Variants in EPHB1 observed in about 807,000 individuals in gnomAD.
EPHB1 encodes the protein ephrin type-B receptor 1.
Under a neutral mutation model 94.4 loss-of-function variants are expected in EPHB1, and 30 were observed. The ratio of observed to expected loss-of-function variants is 0.32; its 90% confidence interval spans 0.24 to 0.43. The LOEUF (loss-of-function observed/expected upper bound fraction) is 0.43. Ranked by LOEUF, EPHB1 falls within the 20% of genes least tolerant of loss-of-function variation. EPHB1 has a pLI of 1.00. For synonymous variants in EPHB1, 522 were observed against 489.1 expected (o/e 1.07, Z -0.89); for missense variants, 1,055 against 1,308.3 (o/e 0.81, Z 2.99).
chr3:134,848,461 T>G (rs2108298700), intron 1 of EPHB1, among the ~76,000 whole-genome samples: 1 of 152,332 alleles, frequency 6.6e-6, no homozygotes, highest in South Asian at 2.1e-4. Flanking sequence ...GATAATAAAA[T>G]GGAAATTTTA....
intron 3 of EPHB1, among the ~76,000 whole-genome samples, chr3:134,981,568 AG>A (rs1304209220): frequency 6.6e-6 from 1 of 152,236 alleles, no homozygotes; most frequent in African/African-American, 2.4e-5. Context: ...GAACACAGCT[AG>A]AAAAAAATGG....
Position 135,162,126 on chromosome 3 carries a change from G to T in EPHB1, c.1531G>T (p.Val511Phe), listed in dbSNP as rs2107698281. 1.2e-6 allele frequency: 2 copies of T among 1,612,202 alleles called. No individual in the cohort carries two copies. The highest frequency in any genetic ancestry group is 1.7e-6 in the Non-Finnish European group (2 of 1,178,908). The change falls in exon 7 of 16, where the codon GTT becomes TTT. Residue 511 changes from valine to phenylalanine, a missense_variant. Transcript: ENST00000398015. ...VYVVQVRART[V>F]AGYGKFSGKM... Reference sequence around the variant, plus strand: ...TGTGGTACAGGTGCGTGCCCGCACTGTTGCTGGCTACGGCAAGTTCAGTGG... The same window carrying T: ...TGTGGTACAGGTGCGTGCCCGCACTTTTGCTGGCTACGGCAAGTTCAGTGG...
At chr3:135,238,183 A>G (rs1226132454) in intron 12 of EPHB1, among the ~76,000 whole-genome samples, 1 of 152,204 alleles carries the variant, frequency 6.6e-6, no homozygotes, top group East Asian at 1.9e-4. Context: ...TTCCTAGGAA[A>G]CAAAGTGCCC....
At chr3:135,089,580 T>C (rs936821446) in intron 3 of EPHB1, among the ~76,000 whole-genome samples, 1 of 152,196 alleles carries the variant, frequency 6.6e-6, no homozygotes, top group African/African-American at 2.4e-5. Flanking sequence ...ATGCTTCTCA[T>C]ACCAGTCTCT....
At chr3:135,161,932 TG>T (rs1309123178) in intron 6 of EPHB1, 85 bp from the exon 7 acceptor site, 3 of 1,403,170 alleles carry the variant, frequency 2.1e-6, no homozygotes, top group Non-Finnish European at 2.9e-6. Flanking sequence ...CAAGAAATGA[TG>T]GGGCCTGAAT....
rs575899191 is a variant in EPHB1 at position 134,912,798 on chromosome 3, G to A, written c.59-13018G>A. Among the ~76,000 whole-genome samples, 42 of 152,324 alleles carry A rather than the reference G, an allele frequency of 2.8e-4. 1 individual carries two copies. The Middle Eastern group carries it at 0.014, about 49-fold the overall frequency. On this transcript the variant is annotated intron_variant, in intron 1 of 15. Transcript: ENST00000398015. The stretch of plus-strand genomic sequence containing the variant: ...GCCTACAGATGTTTGATGCTGGAGA[G>A]GTCTTGGGGTCCCCAGCCATGGTGG...
intron 3 of EPHB1, among the ~76,000 whole-genome samples, chr3:135,048,222 C>A (rs1937058896): frequency 1.3e-5 from 1 of 76,968 alleles, no homozygotes; most frequent in Non-Finnish European, 2.3e-5. Flanking sequence ...AAAAAAAATA[C>A]TCTTTTTTTT....
chr3:135,097,715 A>T (rs1938856883), intron 3 of EPHB1, among the ~76,000 whole-genome samples: 1 of 152,212 alleles, frequency 6.6e-6, no homozygotes, highest in Non-Finnish European at 1.5e-5. Context: ...AGTGTATGAC[A>T]CAGCTAAGTG....
chr3:135,175,206 A>T (rs1408832342), intron 9 of EPHB1, among the ~76,000 whole-genome samples: 2 of 152,246 alleles, frequency 1.3e-5, no homozygotes, highest in African/African-American at 4.8e-5. Flanking sequence ...GATACACTCT[A>T]CATGTCTACA....
chr3:135,217,109 G>A (rs890158956), intron 12 of EPHB1, among the ~76,000 whole-genome samples: 2 of 152,078 alleles, frequency 1.3e-5, no homozygotes, highest in African/African-American at 4.8e-5. Flanking sequence ...CCTTCCTCCT[G>A]CCAGGCCCTA....
chr3:135,213,277 A>G (rs1011506945), intron 12 of EPHB1, among the ~76,000 whole-genome samples: 3 of 152,248 alleles, frequency 2.0e-5, no homozygotes, highest in Admixed American at 1.3e-4. Flanking sequence ...GATTGGAATA[A>G]ATCCACTAAA....
At chr3:134,828,680 G>A (rs1164350093) in intron 1 of EPHB1, among the ~76,000 whole-genome samples, 3 of 152,164 alleles carry the variant, frequency 2.0e-5, no homozygotes, top group African/African-American at 7.2e-5. Flanking sequence ...ATGGAGGATG[G>A]AGAATGGCCC....
At chr3:134,851,719 T>G (rs1272620151) in intron 1 of EPHB1, among the ~76,000 whole-genome samples, 2 of 152,222 alleles carry the variant, frequency 1.3e-5, no homozygotes. Context: ...TGAGTTTTGT[T>G]CACATGTTGT....
chr3:135,034,946 G>A (rs1172273438), intron 3 of EPHB1, among the ~76,000 whole-genome samples: 6 of 152,252 alleles, frequency 3.9e-5, no homozygotes, highest in Non-Finnish European at 7.3e-5. Flanking sequence ...ATCTGGAGCT[G>A]AAGAAGGATA....
At chr3:135,010,038 A>G (rs977074078) in intron 3 of EPHB1, among the ~76,000 whole-genome samples, 1 of 152,224 alleles carries the variant, frequency 6.6e-6, no homozygotes, top group Non-Finnish European at 1.5e-5. Context: ...AATTAGGTGA[A>G]TTCAAACACA....
intron 13 of EPHB1, among the ~76,000 whole-genome samples, chr3:135,245,810 A>C (rs1943908857): frequency 6.6e-6 from 1 of 150,422 alleles, no homozygotes; most frequent in African/African-American, 2.4e-5. Context: ...CATCTCAAAA[A>C]AAAAAAAAAA....
chr3:135,168,115 G>A (rs969181599), intron 9 of EPHB1, among the ~76,000 whole-genome samples: 4 of 152,208 alleles, frequency 2.6e-5, no homozygotes, highest in African/African-American at 7.2e-5. Context: ...ATGCCGACTC[G>A]GGCTGTACAA....
rs143577291 is a variant in EPHB1 at position 134,946,610 on chromosome 3, A to G, written c.124-4761A>G. Among the ~76,000 whole-genome samples the G allele has an allele frequency of 4.7e-4, 72 of 152,156 alleles. No individual in the cohort carries two copies. In the East Asian group the frequency reaches 0.013, roughly 28 times the overall value. On this transcript the variant is annotated intron_variant, in intron 2 of 15. Coordinates refer to ENST00000398015, the MANE Select transcript of EPHB1 (RefSeq NM_004441.5). The stretch of plus-strand genomic sequence containing the variant: ...ATCTCATATTAAAGCATGCTCTCCA[A>G]TGTTGGAGGTGGCACCTAGCAGGAG...
At chr3:134,994,901 T>G (rs1181784587) in intron 3 of EPHB1, among the ~76,000 whole-genome samples, 1 of 152,238 alleles carries the variant, frequency 6.6e-6, no homozygotes, top group African/African-American at 2.4e-5. Context: ...ACACCTCATG[T>G]AACTATAGTA....
Sources: gnomAD v4.1 joint callset for allele counts (sites outside exome capture counted in the v4.1 genomes callset) on GRCh38, gnomAD v4.1.1 for gene constraint, MANE v1.5 for transcripts, NCBI Gene and HGNC (gene_info 2026-07-23, HGNC 2026-07-21) for gene names.